DPP10: variants seen among roughly 807,000 people sequenced by gnomAD.
DPP10 encodes dipeptidyl peptidase like 10, also known as inactive dipeptidyl peptidase 10.
In DPP10, 33 loss-of-function variants were observed where a neutral mutation model predicts 120.9. The observed-to-expected ratio is 0.27, with a 90% CI of 0.21 to 0.37. The LOEUF (loss-of-function observed/expected upper bound fraction) is 0.37. Among genes scored for constraint, DPP10 ranks in the 10% least tolerant of loss-of-function variants. The probability of loss-of-function intolerance (pLI) is 1.00; values close to 1 mark genes in which losing one functional copy is unlikely to be tolerated. For missense variants in DPP10, 816 were observed against 942.8 expected (o/e 0.87, Z 1.76); for synonymous variants, 337 against 326.1 (o/e 1.03, Z -0.36).
chr2:115,576,713 C>A (rs1324281933), intron 5 of DPP10, among the ~76,000 whole-genome samples: 1 of 152,232 alleles, frequency 6.6e-6, no homozygotes, highest in Non-Finnish European at 1.5e-5. Flanking sequence ...CCTCCTGAGA[C>A]ATCAAGGTCA....
At chr2:114,731,749 GA>G (rs1202493648) in intron 1 of DPP10, among the ~76,000 whole-genome samples, 3 of 152,170 alleles carry the variant, frequency 2.0e-5, no homozygotes, top group Admixed American at 6.5e-5. Context: ...AGGTCCCAGA[GA>G]AGAGGAGCAC....
chr2:114,927,373 A>G (rs1558887608), intron 1 of DPP10, among the ~76,000 whole-genome samples: 1 of 151,472 alleles, frequency 6.6e-6, no homozygotes, highest in Admixed American at 6.6e-5. Flanking sequence ...CAAGGTTGTC[A>G]GGGCATAGCT....
intron 1 of DPP10, among the ~76,000 whole-genome samples, chr2:114,471,963 A>G (rs1311184828): frequency 6.6e-6 from 1 of 152,244 alleles, no homozygotes; most frequent in Non-Finnish European, 1.5e-5. Flanking sequence ...ATTGCCAAAG[A>G]AAATAAAATG....
chr2:114,791,712 AC>A (rs1181029484), intron 1 of DPP10, among the ~76,000 whole-genome samples: 2 of 152,170 alleles, frequency 1.3e-5, no homozygotes, highest in Non-Finnish European at 2.9e-5. Flanking sequence ...TGACTCATGA[AC>A]ATAGTTAACA....
At chr2:115,169,912 T>C (rs1313595860) in intron 1 of DPP10, among the ~76,000 whole-genome samples, 2 of 152,194 alleles carry the variant, frequency 1.3e-5, no homozygotes, top group Non-Finnish European at 2.9e-5. Flanking sequence ...ATTATTCTTA[T>C]CCCCACTCTC....
At chr2:114,936,004 TC>T (rs1166474481) in intron 1 of DPP10, among the ~76,000 whole-genome samples, 1 of 152,102 alleles carries the variant, frequency 6.6e-6, no homozygotes, top group African/African-American at 2.4e-5. Flanking sequence ...ATTTTTTATT[TC>T]AATAGGTTTT....
At chr2:114,727,514 G>T (rs1021489129) in intron 1 of DPP10, among the ~76,000 whole-genome samples, 1 of 152,196 alleles carries the variant, frequency 6.6e-6, no homozygotes, top group African/African-American at 2.4e-5. Flanking sequence ...GTTAAAGCGT[G>T]AGGCACTGTT....
chr2:114,917,647 A>G (rs1440474992), intron 1 of DPP10, among the ~76,000 whole-genome samples: 2 of 151,590 alleles, frequency 1.3e-5, no homozygotes, highest in Non-Finnish European at 2.9e-5. Context: ...ACCCTAAATA[A>G]ATCTACACAC....
At chr2:115,554,519 A>T (rs2080087734) in intron 5 of DPP10, among the ~76,000 whole-genome samples, 1 of 152,026 alleles carries the variant, frequency 6.6e-6, no homozygotes, top group Non-Finnish European at 1.5e-5. Flanking sequence ...AATCAAATAA[A>T]TCATTAAATA....
chr2:115,270,087 C>T, intron 1 of DPP10, among the ~76,000 whole-genome samples: 1 of 150,178 alleles, frequency 6.7e-6, no homozygotes, highest in African/African-American at 2.5e-5. Context: ...CACACACACA[C>T]ACACACACAC....
chr2:114,808,066 G>A (rs1036111682), intron 1 of DPP10, among the ~76,000 whole-genome samples: 29 of 152,194 alleles, frequency 1.9e-4, no homozygotes, highest in Admixed American at 2.0e-4. Flanking sequence ...CGTTTCAGCA[G>A]CGCTGGACAG....
intron 5 of DPP10, among the ~76,000 whole-genome samples, chr2:115,588,357 C>T (rs1159057897): frequency 6.6e-6 from 1 of 152,078 alleles, no homozygotes; most frequent in Non-Finnish European, 1.5e-5. Flanking sequence ...TAGTGTTTCT[C>T]TCAGTTTCAA....
intron 7 of DPP10, among the ~76,000 whole-genome samples, chr2:115,711,985 G>T (rs1399219667): frequency 2.3e-4 from 27 of 119,758 alleles, no homozygotes; most frequent in Non-Finnish European, 4.3e-4. Flanking sequence ...CAACCTTTTT[G>T]GCACCAGGCA....
intron 1 of DPP10, among the ~76,000 whole-genome samples, chr2:114,685,970 A>G (rs1280941836): frequency 6.6e-6 from 1 of 151,906 alleles, no homozygotes; most frequent in Non-Finnish European, 1.5e-5. Context: ...TTGTTCTCAT[A>G]AGCAATTATT....
intron 1 of DPP10, among the ~76,000 whole-genome samples, chr2:114,596,042 C>T (rs1462279356): frequency 6.6e-6 from 1 of 152,072 alleles, no homozygotes; most frequent in Non-Finnish European, 1.5e-5. Context: ...CTAAGAGGAG[C>T]TCCACTACCA....
At chr2:115,730,423 G>T (rs1188067142) in intron 8 of DPP10, among the ~76,000 whole-genome samples, 2 of 152,160 alleles carry the variant, frequency 1.3e-5, no homozygotes, top group Non-Finnish European at 2.9e-5. Flanking sequence ...GGGTTTCAGG[G>T]AAGAGAAGAC....
chr2:114,925,397 A>G (rs1033488244), intron 1 of DPP10, among the ~76,000 whole-genome samples: 16 of 152,170 alleles, frequency 1.1e-4, no homozygotes, highest in African/African-American at 3.9e-4. Flanking sequence ...TCCCTCCTTC[A>G]GAAGGGGAGA....
chr2:114,670,555 A>T (rs1698259012), intron 1 of DPP10, among the ~76,000 whole-genome samples: 1 of 152,094 alleles, frequency 6.6e-6, no homozygotes, highest in Admixed American at 6.5e-5. Context: ...GGGGAGGGAT[A>T]GCATTAGGAG....
chr2:114,462,386 C>T (rs1009714144), intron 1 of DPP10, among the ~76,000 whole-genome samples: 4 of 152,122 alleles, frequency 2.6e-5, no homozygotes, highest in Non-Finnish European at 5.9e-5. Flanking sequence ...TAACACATGA[C>T]ATTTAGTCAT....
Sources: allele counts gnomAD v4.1 joint callset (sites outside exome capture counted in the v4.1 genomes callset), GRCh38; gene constraint gnomAD v4.1.1; transcripts MANE v1.5; gene names NCBI Gene and HGNC (gene_info 2026-07-23, HGNC 2026-07-21).